The following UMAD1 variants were observed in gnomAD, a reference collection of about 807,000 sequenced individuals.
UMAD1 encodes UBAP1-MVB12-associated (UMA) domain containing 1.
A neutral mutation model predicts 6.1 loss-of-function variants in UMAD1; 8 were observed. That is an observed-to-expected ratio of 1.30 (90% confidence interval 0.76 to 2.35). The LOEUF (loss-of-function observed/expected upper bound fraction) is 2.35. Among genes scored for constraint, UMAD1 ranks in the 30% most tolerant of loss-of-function variants. The probability of loss-of-function intolerance (pLI) is 0.00; values close to 1 mark genes in which losing one functional copy is unlikely to be tolerated. For missense variants in UMAD1, 130 were observed against 78.4 expected (o/e 1.66, Z -2.49); for synonymous variants, 56 against 31.4 (o/e 1.78, Z -2.61).
rs546629275 is a variant in UMAD1 at position 7,789,626 on chromosome 7, C to CG, written c.83-12044_83-12043insG. ...TAAACAAAATACCCCTTCTCCCCTCCCCACAGACCCTGGAAACCACCATTC... is the reference window on the plus strand; with the variant it reads ...TAAACAAAATACCCCTTCTCCCCTCCGCCACAGACCCTGGAAACCACCATTC... On this transcript the variant is annotated intron_variant, in intron 2 of 3. Transcript: ENST00000682710. 4.6e-3 allele frequency among the ~76,000 whole-genome samples: 701 copies of CG among 151,334 alleles called. 28 individuals are homozygous for CG. Among genetic ancestry groups the CG allele is most frequent in the African/African-American group, 0.016 (635 of 40,840 alleles).
chr7:7,747,129 A>G (rs1225453622), intron 2 of UMAD1, among the ~76,000 whole-genome samples: 1 of 152,186 alleles, frequency 6.6e-6, no homozygotes, highest in African/African-American at 2.4e-5. Flanking sequence ...GTAATGAGAT[A>G]CTTTAGCCAT....
intron 3 of UMAD1, among the ~76,000 whole-genome samples, chr7:7,839,255 G>A (rs973956279): frequency 5.3e-5 from 8 of 152,072 alleles, no homozygotes; most frequent in East Asian, 3.8e-4. Context: ...GTCATCACCC[G>A]TTCTGGAAGG....
rs564505252 is a variant in UMAD1, at chr7:7,818,873, G to A, written c.156+17130G>A. On this transcript the variant is annotated intron_variant, in intron 3 of 3. Coordinates refer to ENST00000682710, the MANE Select transcript of UMAD1 (RefSeq NM_001302348.2). ...AGTTTTTCCTCTGTTTTTTTGAGAC[G>A]GAGTCTTGCTCTGTTGCCCAGGCTA... Among the ~76,000 whole-genome samples, 95 of 152,102 alleles carry A rather than the reference G, an allele frequency of 6.2e-4. No individual in the cohort carries two copies. The South Asian group carries it at 0.011, about 18-fold the overall frequency.
intron 3 of UMAD1, among the ~76,000 whole-genome samples, chr7:7,840,355 A>G (rs1276981672): frequency 6.6e-6 from 1 of 152,108 alleles, no homozygotes; most frequent in Non-Finnish European, 1.5e-5. Context: ...AATCTGAGGG[A>G]CTTTCATAGA....
At chr7:7,806,151 C>G (rs774184917) in intron 3 of UMAD1, among the ~76,000 whole-genome samples, 27 of 152,122 alleles carry the variant, frequency 1.8e-4, no homozygotes, top group African/African-American at 6.3e-4. Context: ...AATGTGGTTT[C>G]TCCTACACCA....
intron 1 of UMAD1, among the ~76,000 whole-genome samples, chr7:7,669,759 G>A (rs960906501): frequency 2.6e-5 from 4 of 152,176 alleles, no homozygotes; most frequent in Non-Finnish European, 4.4e-5. Context: ...ACACGAGGGT[G>A]ACTGATGCCT....
intron 1 of UMAD1, among the ~76,000 whole-genome samples, chr7:7,656,951 A>G (rs143406330): frequency 7.1e-4 from 108 of 152,290 alleles, no homozygotes; most frequent in African/African-American, 2.5e-3. Flanking sequence ...AAGCCTTCCT[A>G]TTTCTACACA....
At chr7:7,820,760 T>G (rs1231763529) in intron 3 of UMAD1, among the ~76,000 whole-genome samples, 1 of 152,150 alleles carries the variant, frequency 6.6e-6, no homozygotes, top group Non-Finnish European at 1.5e-5. Flanking sequence ...ATGAGGAAAA[T>G]GTACAATTCC....
intron 3 of UMAD1, among the ~76,000 whole-genome samples, chr7:7,810,652 T>G (rs1337883512): frequency 6.6e-6 from 1 of 152,190 alleles, no homozygotes; most frequent in African/African-American, 2.4e-5. Context: ...AAATCATTCT[T>G]TCCAGTGTTC....
At position 7,838,490 on chromosome 7, in the gene UMAD1, A is replaced by G. The variant is rs955350835; in HGVS notation, c.156+36747A>G. ...AATGGTAAAAGATTATTATCTTACA[A>G]TCAACATTATCCAGTCAACTAATAC... On this transcript the variant is annotated intron_variant, in intron 3 of 3. Transcript: ENST00000682710. 3.3e-5 allele frequency among the ~76,000 whole-genome samples: 5 copies of G among 152,336 alleles called. No individual in the cohort carries two copies. In the East Asian group the frequency reaches 7.7e-4, roughly 23 times the overall value.
chr7:7,766,651 T>C (rs1781989826), intron 2 of UMAD1, among the ~76,000 whole-genome samples: 1 of 152,224 alleles, frequency 6.6e-6, no homozygotes, highest in Non-Finnish European at 1.5e-5. Flanking sequence ...TATTGTGAGC[T>C]GGTTAATGTT....
intron 3 of UMAD1, among the ~76,000 whole-genome samples, chr7:7,835,462 CTTTTTTTTTTTTTTTTTTTTT>C (rs150411259): frequency 8.9e-5 from 3 of 33,654 alleles, no homozygotes; most frequent in African/African-American, 2.0e-4. Flanking sequence ...TGAAACAGCA[CTTTTTTTTTTTTTTTTTTTTT>C]TTTTTTTTTT....
intron 2 of UMAD1, among the ~76,000 whole-genome samples, chr7:7,712,998 A>G (rs1306706253): frequency 6.6e-6 from 1 of 152,032 alleles, no homozygotes; most frequent in Admixed American, 6.6e-5. Flanking sequence ...AGACTAGCCT[A>G]TTGTGTCAAT....
intron 2 of UMAD1, among the ~76,000 whole-genome samples, chr7:7,711,945 A>G (rs1275039435): frequency 1.3e-5 from 2 of 152,062 alleles, no homozygotes; most frequent in African/African-American, 4.8e-5. Flanking sequence ...TGGTATAGCG[A>G]TCCGATTTTA....
At chr7:7,795,476 C>G (rs776126049) in intron 2 of UMAD1, among the ~76,000 whole-genome samples, 2 of 152,114 alleles carry the variant, frequency 1.3e-5, no homozygotes, top group African/African-American at 4.8e-5. Flanking sequence ...AGATCTCCTG[C>G]AAGAAAGAAT....
intron 2 of UMAD1, among the ~76,000 whole-genome samples, chr7:7,729,983 A>G (rs1781215822): frequency 6.6e-6 from 1 of 152,180 alleles, no homozygotes; most frequent in Non-Finnish European, 1.5e-5. Context: ...TATGGTCAAT[A>G]GTTGCAGTGT....
intron 2 of UMAD1, among the ~76,000 whole-genome samples, chr7:7,716,990 G>T (rs1185373337): frequency 6.6e-6 from 1 of 151,676 alleles, no homozygotes; most frequent in Non-Finnish European, 1.5e-5. Flanking sequence ...CCGGAAACCC[G>T]TTCGGGACCC....
chr7:7,750,545 T>C (rs1781658796), intron 2 of UMAD1, among the ~76,000 whole-genome samples: 2 of 152,212 alleles, frequency 1.3e-5, no homozygotes, highest in Non-Finnish European at 2.9e-5. Context: ...GCCCATTTTA[T>C]ATTATACACG....
chr7:7,641,249 C>A (rs1289779520), intron 1 of UMAD1: 1 of 152,244 alleles, frequency 6.6e-6, no homozygotes, highest in South Asian at 2.1e-4. Flanking sequence ...GCGGAGGCGC[C>A]GGTTCTTTCA....
Sources: allele counts gnomAD v4.1 joint callset (sites outside exome capture counted in the v4.1 genomes callset), GRCh38; gene constraint gnomAD v4.1.1; transcripts MANE v1.5; gene names NCBI Gene and HGNC (gene_info 2026-07-23, HGNC 2026-07-21).